The following CDON variants were observed in gnomAD, a reference collection of about 807,000 sequenced individuals.
CDON encodes the protein cell adhesion molecule-related/down-regulated by oncogenes.
In CDON, 73 loss-of-function variants were observed where a neutral mutation model predicts 120.9. That is an observed-to-expected ratio of 0.60 (90% CI 0.50 to 0.73). The LOEUF (loss-of-function observed/expected upper bound fraction) is 0.73. Among genes scored for constraint, CDON ranks in the 30% least tolerant of loss-of-function variants. The pLI is 0.00. For synonymous variants in CDON, 566 were observed against 573.5 expected (o/e 0.99, Z 0.19); for missense variants, 1,470 against 1,587.3 (o/e 0.93, Z 1.26).
chr11:126,000,942 A>AT (rs1396585651), intron 11 of CDON, among the ~76,000 whole-genome samples: 1 of 152,218 alleles, frequency 6.6e-6, no homozygotes, highest in Non-Finnish European at 1.5e-5. Flanking sequence ...TAGTGCTCAT[A>AT]TAAGTGTGAA....
rs1203653471 is a variant in CDON, at chr11:126,005,786, G to A, written c.1824C>T (p.Ile608=). 1.2e-6 allele frequency: 2 copies of A among 1,613,878 alleles called. No individual in the cohort carries two copies. The highest frequency in any genetic ancestry group is 1.1e-5 in the South Asian group (1 of 91,068). ...TTCGATACTTCACAAAGTAAGCATT[G>A]ATGGGCAGCCCACCATCCTTGCCTG... The part of the protein sequence containing the change: ...WRAGKDGGLP[I]NAYFVKYRKL... Residue 608 remains isoleucine (I), a synonymous_variant, in exon 9 of 20, where the codon ATC becomes ATT. Transcript: ENST00000531738.
At chr11:126,018,111 G>A (rs1014322259) in intron 5 of CDON, among the ~76,000 whole-genome samples, 1 of 152,016 alleles carries the variant, frequency 6.6e-6, no homozygotes, top group African/African-American at 2.4e-5. Flanking sequence ...TGTTGGTCAG[G>A]CTGGTCTCAA....
chr11:126,047,144 T>C (rs1948425409), intron 1 of CDON, among the ~76,000 whole-genome samples: 1 of 152,198 alleles, frequency 6.6e-6, no homozygotes. Flanking sequence ...CCTAGCCTAG[T>C]AAAGCTAGGT....
chr11:125,980,106 G>A (rs999193387), intron 17 of CDON, among the ~76,000 whole-genome samples: 2 of 152,150 alleles, frequency 1.3e-5, no homozygotes, highest in Non-Finnish European at 2.9e-5. Context: ...GACAAAAACT[G>A]AATGCTTAAT....
intron 1 of CDON, among the ~76,000 whole-genome samples, chr11:126,047,811 T>C (rs1300205535): frequency 1.3e-5 from 2 of 152,144 alleles, no homozygotes; most frequent in Non-Finnish European, 2.9e-5. Context: ...TGCCCAAAAA[T>C]GCCTAGGTTA....
chr11:126,041,962 A>T (rs1948274586), intron 1 of CDON, among the ~76,000 whole-genome samples: 1 of 152,062 alleles, frequency 6.6e-6, no homozygotes, highest in Non-Finnish European at 1.5e-5. Context: ...TCGGCTCACC[A>T]CAACTTCTGC....
intron 1 of CDON, among the ~76,000 whole-genome samples, chr11:126,033,561 ACAGT>A (rs1206558394): frequency 6.6e-6 from 1 of 152,232 alleles, no homozygotes; most frequent in African/African-American, 2.4e-5. Context: ...ATGGAGTCAA[ACAGT>A]CAGACTTTAA....
chr11:125,984,116 C>T (rs1406814890), intron 15 of CDON, 23 bp from the exon 16 acceptor site: 6 of 1,514,822 alleles, frequency 4.0e-6, no homozygotes, highest in Admixed American at 1.7e-5. Flanking sequence ...TAAAGGAAAA[C>T]ATGATGTCAG....
In CDON at chr11:126,015,404, C is replaced by T; in HGVS notation, c.1035G>A (p.Trp345Ter). 6.2e-7 allele frequency: 1 copy of T among 1,614,166 alleles called. No homozygotes were observed. Among genetic ancestry groups the T allele is most frequent in the Non-Finnish European group, 8.5e-7 (1 of 1,180,024 alleles). The part of the protein sequence containing the change: ...VHGNPAPNCT[W>*]FHNAQPIHPS... ...GATGAATAGGCTGTGCATTGTGAAA[C>T]CAGGTACAGTTGGGGGCTGGGTTCC... Residue 345 changes from tryptophan to a stop codon, truncating the protein, a stop_gained, in exon 7 of 20, where the codon TGG (tryptophan) becomes TGA (stop). Transcript: ENST00000531738. LOFTEE classifies it high-confidence loss of function.
intron 18 of CDON, among the ~76,000 whole-genome samples, chr11:125,973,262 G>C (rs1946056329): frequency 6.6e-6 from 1 of 152,104 alleles, no homozygotes; most frequent in Admixed American, 6.6e-5. Flanking sequence ...GCTGGGCATG[G>C]TGGCTCATGC....
At chr11:125,961,140 T>C (rs369652601) in intron 19 of CDON, 35 bp from the exon 20 acceptor site, 13 of 1,590,124 alleles carry the variant, frequency 8.2e-6, no homozygotes, top group Admixed American at 5.0e-5. Context: ...CATTATCAAA[T>C]GATAAAGGCT....
rs144938780 is a variant in CDON at position 126,005,763 on chromosome 11, C to G, written c.1847G>C (p.Arg616Pro). 6 of 1,612,950 alleles carry G rather than the reference C, an allele frequency of 3.7e-6. No individual in the cohort carries two copies. The highest frequency in any genetic ancestry group is 1.3e-5 in the African/African-American group (1 of 74,880). The stretch of plus-strand genomic sequence containing the variant: ...TGATAAACGACAAGACATTACCTTT[C>G]GATACTTCACAAAGTAAGCATTGAT... ...LPINAYFVKYRKLDDGVGMLG... is the reference protein window; with the variant it reads ...LPINAYFVKYPKLDDGVGMLG... Residue 616 changes from arginine (R) to proline (P), a missense_variant, in exon 9 of 20, where the codon CGA becomes CCA. Physicochemically the swap from Arg to Pro is moderately radical, Grantham distance 103. Transcript: ENST00000531738.
intron 4 of CDON, 28 bp from the exon 5 acceptor site, chr11:126,018,501 C>T (rs546557136): frequency 4.2e-5 from 67 of 1,603,464 alleles, no homozygotes; most frequent in Non-Finnish European, 5.6e-5. Context: ...TGCAGTTAGG[C>T]CTCTCCCTTT....
chr11:125,983,519 T>C (rs1042751933), intron 16 of CDON, among the ~76,000 whole-genome samples: 6 of 152,218 alleles, frequency 3.9e-5, no homozygotes, highest in African/African-American at 1.4e-4. Context: ...ACAAGCTCTG[T>C]ACCAGTGTAA....
At chr11:125,997,511 T>A (rs1468888609) in intron 11 of CDON, 101 bp from the exon 12 acceptor site, 23 of 938,284 alleles carry the variant, frequency 2.5e-5, no homozygotes, top group Non-Finnish European at 3.7e-5. Flanking sequence ...TTATTAAAGG[T>A]TCTTCACCAA....
intron 12 of CDON, among the ~76,000 whole-genome samples, chr11:125,995,524 G>A (rs77836881): frequency 0.015 from 2,233 of 152,314 alleles, 56 homozygotes; most frequent in African/African-American, 0.05. Flanking sequence ...GTGGGCGGCC[G>A]CAGATGTCAC....
At chr11:126,048,095 G>A (rs1009313815) in intron 1 of CDON, among the ~76,000 whole-genome samples, 2 of 151,902 alleles carry the variant, frequency 1.3e-5, no homozygotes, top group African/African-American at 4.8e-5. Flanking sequence ...TGGCCAACAT[G>A]GAGAAACCTC....
Position 125,981,214 on chromosome 11 carries a change from T to C in CDON, c.3111A>G (p.Leu1037=). The C allele has an allele frequency of 1.9e-6, 3 of 1,614,200 alleles. No homozygotes were observed. The highest frequency in any genetic ancestry group is 2.5e-6 in the Non-Finnish European group (3 of 1,180,022). Residue 1037 remains leucine, a synonymous_variant, in exon 17 of 20, where the codon CTA becomes CTG. Transcript: ENST00000531738. ...AGCCACTGCTGAGACCGCCATTGGT[T>C]AGGAAGCCTCCGTGAACATTTCCAT... is the stretch of plus-strand genomic sequence containing the variant. The part of the protein sequence containing the change: ...QINGNVHGGF[L]TNGGLSSGYS...
chr11:126,012,180 GT>G (rs1947322661), intron 7 of CDON, among the ~76,000 whole-genome samples: 1 of 152,126 alleles, frequency 6.6e-6, no homozygotes, highest in Admixed American at 6.6e-5. Context: ...TTTAGAATCA[GT>G]TTGTCAAGGT....
Sources: allele counts gnomAD v4.1 joint callset (sites outside exome capture counted in the v4.1 genomes callset), GRCh38; gene constraint gnomAD v4.1.1; transcripts MANE v1.5; gene names NCBI Gene and HGNC (gene_info 2026-07-23, HGNC 2026-07-21).